Variants in PCDH9 observed in about 807,000 individuals in gnomAD.
PCDH9 encodes protocadherin 9, also known as protocadherin-9.
A neutral mutation model predicts 70.6 loss-of-function variants in PCDH9; 24 were observed. The ratio of observed to expected loss-of-function variants is 0.34; its 90% CI spans 0.25 to 0.48. The LOEUF (loss-of-function observed/expected upper bound fraction) is 0.48. Among genes scored for constraint, PCDH9 ranks in the 20% least tolerant of loss-of-function variants. The pLI is 0.99. For synonymous variants in PCDH9, 562 were observed against 558.5 expected (o/e 1.01, Z -0.09); for missense variants, 1,281 against 1,503.6 (o/e 0.85, Z 2.45).
At chr13:66,706,393 T>C (rs1395955805) in intron 3 of PCDH9, among the ~76,000 whole-genome samples, 2 of 152,194 alleles carry the variant, frequency 1.3e-5, no homozygotes, top group Admixed American at 1.3e-4. Context: ...CCTTAACCTG[T>C]CTGAAACACT....
chr13:66,714,111 T>C (rs1486960752), intron 3 of PCDH9, among the ~76,000 whole-genome samples: 1 of 152,168 alleles, frequency 6.6e-6, no homozygotes, highest in Non-Finnish European at 1.5e-5. Context: ...AAATTGTAAC[T>C]TTATATTAGG....
At chr13:67,039,914 G>A (rs1164019366) in intron 2 of PCDH9, among the ~76,000 whole-genome samples, 2 of 151,868 alleles carry the variant, frequency 1.3e-5, no homozygotes, top group African/African-American at 2.4e-5. Context: ...TGCTAACTCC[G>A]TGTACTATAA....
chr13:67,164,436 G>T, intron 2 of PCDH9, among the ~76,000 whole-genome samples: 1 of 151,820 alleles, frequency 6.6e-6, no homozygotes, highest in Non-Finnish European at 1.5e-5. Flanking sequence ...TTAGCCTGGT[G>T]TGGTGGCAGG....
chr13:66,557,536 A>T (rs550480980), intron 4 of PCDH9, among the ~76,000 whole-genome samples: 1 of 152,342 alleles, frequency 6.6e-6, no homozygotes, highest in African/African-American at 2.4e-5. Context: ...ATCATCATGT[A>T]CATAATTACA....
intron 2 of PCDH9, chr13:67,203,287 C>T (rs978462569): frequency 6.6e-6 from 1 of 152,014 alleles, no homozygotes; most frequent in Non-Finnish European, 1.5e-5. Flanking sequence ...ATTTTATCTG[C>T]ATCTTGAACT....
At chr13:66,798,510 TC>T (rs1328120503) in intron 3 of PCDH9, among the ~76,000 whole-genome samples, 1 of 152,076 alleles carries the variant, frequency 6.6e-6, no homozygotes, top group Non-Finnish European at 1.5e-5. Context: ...AAAAAGTGGC[TC>T]CCCATGCATT....
intron 2 of PCDH9, among the ~76,000 whole-genome samples, chr13:66,932,670 A>ATT: frequency 7.0e-6 from 1 of 143,102 alleles, no homozygotes; most frequent in African/African-American, 2.8e-5. Context: ...ATATATATAT[A>ATT]TATATATATA....
chr13:66,753,377 G>A (rs890402956), intron 3 of PCDH9, among the ~76,000 whole-genome samples: 9 of 152,006 alleles, frequency 5.9e-5, no homozygotes, highest in African/African-American at 1.9e-4. Flanking sequence ...ATGAACCCAA[G>A]ACAGAGAAAT....
At chr13:67,204,583 A>G (rs1038150366) in intron 2 of PCDH9, 6 of 152,208 alleles carry the variant, frequency 3.9e-5, no homozygotes, top group East Asian at 1.9e-4. Flanking sequence ...GAAATTTCCA[A>G]TGCTCAGACT....
rs148933542 is a variant in PCDH9, at chr13:66,892,150, CGT to C, written c.3138+11352_3138+11353del. ...GGCCACTGTGAATCTACTTACATTA[CGT>C]GTGTGTGTGTGTATACTCCTCATTG... On this transcript the variant is annotated intron_variant, in intron 3 of 4. Coordinates refer to ENST00000377865, the MANE Select transcript of PCDH9 (RefSeq NM_203487.3). 1.5e-4 allele frequency among the ~76,000 whole-genome samples: 22 copies of C among 147,560 alleles called. No individual in the cohort carries two copies. The South Asian group carries it at 1.5e-3, about 10-fold the overall frequency.
At chr13:67,012,320 T>C (rs1343631120) in intron 2 of PCDH9, among the ~76,000 whole-genome samples, 2 of 151,828 alleles carry the variant, frequency 1.3e-5, no homozygotes, top group Non-Finnish European at 2.9e-5. Flanking sequence ...TGCACGTGTG[T>C]GTATGTGTGA....
At position 66,811,761 on chromosome 13, in the gene PCDH9, T is replaced by TTC. The variant is rs998726628; in HGVS notation, c.3138+91741_3138+91742dup. ...CCTTCCTTCCTTCCTTTCTTTTTCT[T>TTC]TCTCTCTCTCTCTCTCTCTTTTCCT... On this transcript the variant is annotated intron_variant, in intron 3 of 4. Transcript: ENST00000377865. Among the ~76,000 whole-genome samples the TTC allele has an allele frequency of 9.1e-4, 136 of 149,820 alleles. 1 individual carries two copies. The East Asian group carries it at 0.015, about 17-fold the overall frequency.
At chr13:66,790,012 G>A (rs2080139710) in intron 3 of PCDH9, among the ~76,000 whole-genome samples, 1 of 152,110 alleles carries the variant, frequency 6.6e-6, no homozygotes, top group Admixed American at 6.6e-5. Context: ...CTGGGTTGCA[G>A]GGTAGTTACC....
At chr13:66,833,921 T>C (rs746246088) in intron 3 of PCDH9, among the ~76,000 whole-genome samples, 11 of 152,144 alleles carry the variant, frequency 7.2e-5, no homozygotes, top group Non-Finnish European at 1.3e-4. Context: ...CCTGTGCTGG[T>C]TGAATAGCTG....
At position 66,372,482 on chromosome 13, in the gene PCDH9, A is replaced by G. The variant is rs560386964; in HGVS notation, c.3341-67454T>C. 9.2e-5 allele frequency among the ~76,000 whole-genome samples: 14 copies of G among 151,862 alleles called. No homozygotes were observed. The South Asian group carries it at 2.9e-3, about 32-fold the overall frequency. On this transcript the variant is annotated intron_variant, in intron 4 of 4. Transcript: ENST00000377865. ...AAGTGAAGGATATATTTCTGAAAGT[A>G]AGACAGACTTGGTGAAGGGAAATGG...
chr13:66,445,521 AATATATACACATATATATT>A (rs1239781101), intron 4 of PCDH9, among the ~76,000 whole-genome samples: 4 of 144,344 alleles, frequency 2.8e-5, no homozygotes, highest in African/African-American at 1.0e-4. Context: ...ACACATATAT[AATATATACACATATATATT>A]ATATATACAC....
chr13:66,568,653 CA>C (rs1174348331), intron 4 of PCDH9, among the ~76,000 whole-genome samples: 27 of 150,788 alleles, frequency 1.8e-4, no homozygotes, highest in Non-Finnish European at 3.4e-4. Flanking sequence ...GCCTGAATGA[CA>C]GGGGAAAAAC....
chr13:66,503,620 CT>C (rs1320591539), intron 4 of PCDH9, among the ~76,000 whole-genome samples: 1 of 152,076 alleles, frequency 6.6e-6, no homozygotes, highest in Non-Finnish European at 1.5e-5. Context: ...GAGCAGGTGA[CT>C]TATTTGCCTT....
chr13:66,406,171 T>C (rs1212369492), intron 4 of PCDH9, among the ~76,000 whole-genome samples: 2 of 152,248 alleles, frequency 1.3e-5, no homozygotes, highest in Middle Eastern at 3.4e-3. Flanking sequence ...CGACCTTGGA[T>C]TAAGCATCAG....
Sources: allele counts gnomAD v4.1 joint callset (sites outside exome capture counted in the v4.1 genomes callset), GRCh38; gene constraint gnomAD v4.1.1; transcripts MANE v1.5; gene names NCBI Gene and HGNC (gene_info 2026-07-23, HGNC 2026-07-21).